Variants in MON1A observed in about 807,000 individuals in gnomAD.
MON1A encodes the protein vacuolar fusion protein MON1 homolog A.
MON1A carries 29 observed loss-of-function variants against 44.6 expected under a neutral mutation model. The observed-to-expected ratio is 0.65, with a 90% CI of 0.48 to 0.89. The LOEUF (loss-of-function observed/expected upper bound fraction) is 0.89, where lower values mean the gene tolerates loss of function less well. MON1A is among the 40% of genes least tolerant of loss of function. The pLI, the probability that MON1A is intolerant of heterozygous loss-of-function variation, is 0.00. For synonymous variants in MON1A, 275 were observed against 316.4 expected, an observed-to-expected ratio of 0.87 and a Z score of 1.39; for missense variants, 615 against 759.6, an observed-to-expected ratio of 0.81 and a Z score of 2.24.
chr3:49,910,608 G>T lies in MON1A; in HGVS notation c.890C>A (p.Pro297His). 1 of 1,603,692 alleles carries T rather than the reference G, an allele frequency of 6.2e-7. No homozygotes were observed. Among genetic ancestry groups the T allele is most frequent in the Non-Finnish European group, 8.5e-7 (1 of 1,174,518 alleles). The change falls in exon 4 of 6, where the codon CCC becomes CAC. Residue 297 changes from proline to histidine, a missense_variant. Pro to His is a moderately conservative substitution (Grantham distance 77). Coordinates refer to ENST00000296473, the MANE Select transcript of MON1A (RefSeq NM_032355.4). The surrounding 1 kb of genome is among the most constrained non-coding windows in gnomAD (Gnocchi z 8.0). ...SFLMGAARCL[P>H]LAAAVRDTVS... Reference sequence around the variant, plus strand: ...AGTGTCGCGCACGGCCGCCGCCAGGGGCAGGCACCGTGCCGCCCCCATCAG... The same window carrying T: ...AGTGTCGCGCACGGCCGCCGCCAGGTGCAGGCACCGTGCCGCCCCCATCAG...
intron 1 of MON1A, among the ~76,000 whole-genome samples, chr3:49,926,221 T>TC (rs1172982898): frequency 6.6e-6 from 1 of 152,178 alleles, no homozygotes; most frequent in African/African-American, 2.4e-5. Context: ...TGGGCACTCT[T>TC]TAACTTTAGA....
intron 2 of MON1A, chr3:49,912,943 GAGA>G (rs890861015): frequency 1.8e-6 from 1 of 552,358 alleles, no homozygotes; most frequent in Non-Finnish European, 3.3e-6. Context: ...GTGAGGAGGG[GAGA>G]AGGAGCCGGG....
At chr3:49,922,042 C>T (rs555253401) in intron 1 of MON1A, among the ~76,000 whole-genome samples, 1 of 151,364 alleles carries the variant, frequency 6.6e-6, no homozygotes, top group East Asian at 2.0e-4. Flanking sequence ...GAGGCTGAGG[C>T]AGGAGAATCA....
intron 1 of MON1A, among the ~76,000 whole-genome samples, chr3:49,914,925 C>T (rs2082930755): frequency 6.6e-6 from 1 of 152,170 alleles, no homozygotes; most frequent in Non-Finnish European, 1.5e-5. Context: ...AAGCAATCCT[C>T]CCACTTCAGC....
rs1362359391 is a variant in MON1A at position 49,911,186 on chromosome 3, TAGATTAGA to T, written c.614-310_614-303del. On this transcript the variant is annotated intron_variant, in intron 3 of 5. Transcript: ENST00000296473. This position sits in a 1 kb window ranked among gnomAD's most constrained non-coding sequence, Gnocchi z 5.7. ...TGGAGCTCAGGACCTGGGAGATAGA[TAGATTAGA>T]TAGATAGATAGATAGATAGATAGAT... Among the ~76,000 whole-genome samples, 2 of 141,808 alleles carry T rather than the reference TAGATTAGA, an allele frequency of 1.4e-5. No homozygotes were observed. The highest frequency in any genetic ancestry group is 5.6e-5 in the African/African-American group (2 of 35,840). 93.0% of individuals were successfully genotyped at this position (141,808 alleles called of 152,430 possible). A position where few individuals can be genotyped will look rare whatever the true frequency, so the allele number is the denominator to read the frequency against.
At chr3:49,922,505 G>GGGAAGGAGGGAGGGAGAGAA (rs1397486577) in intron 1 of MON1A, among the ~76,000 whole-genome samples, 51 of 140,250 alleles carry the variant, frequency 3.6e-4, no homozygotes, top group Non-Finnish European at 5.8e-4. Context: ...GAAGGAAGGA[G>GGGAAGGAGGGAGGGAGAGAA]GGAAGGAGGG....
intron 1 of MON1A, among the ~76,000 whole-genome samples, chr3:49,921,664 G>A (rs2082997825): frequency 6.8e-6 from 1 of 147,902 alleles, no homozygotes; most frequent in Non-Finnish European, 1.5e-5. Context: ...TTTAAGAGAT[G>A]GGGTCTTGCT....
intron 1 of MON1A, among the ~76,000 whole-genome samples, chr3:49,925,543 G>A (rs554055482): frequency 6.6e-6 from 1 of 152,240 alleles, no homozygotes; most frequent in South Asian, 2.1e-4. Flanking sequence ...ATTACTGAGT[G>A]CCAGCCTGGC....
At chr3:49,928,979 G>A (rs2083072512) in intron 1 of MON1A, among the ~76,000 whole-genome samples, 1 of 152,212 alleles carries the variant, frequency 6.6e-6, no homozygotes, top group African/African-American at 2.4e-5. Flanking sequence ...GGGAAGCTGA[G>A]GCAGGCAGAT....
In MON1A at chr3:49,910,553, C is replaced by A. The variant is rs1354283931; in HGVS notation, c.945G>T (p.Ala315=). The stretch of plus-strand genomic sequence containing the variant: ...GCAGGATGGAGAAGACCAGGCTGCG[C>A]GCACGCGCCTGCTGCAGGCTGGCGC... The part of the protein sequence containing the change: ...TVSASLQQAR[A]RSLVFSILLA... Residue 315 remains alanine (A), a synonymous_variant, in exon 4 of 6, where the codon GCG becomes GCT. Coordinates refer to ENST00000296473, the MANE Select transcript of MON1A (RefSeq NM_032355.4). This position sits in a 1 kb window ranked among gnomAD's most constrained non-coding sequence, Gnocchi z 8.0. 6.2e-7 allele frequency: 1 copy of A among 1,612,348 alleles called. No homozygotes were observed. Among genetic ancestry groups the A allele is most frequent in the Non-Finnish European group, 8.5e-7 (1 of 1,179,182 alleles).
intron 1 of MON1A, among the ~76,000 whole-genome samples, chr3:49,922,697 A>G (rs1165147040): frequency 6.6e-6 from 1 of 151,286 alleles, no homozygotes. Context: ...AGAAAAAAAG[A>G]CAATTTCTTT....
chr3:49,919,608 C>T (rs1314235156), intron 1 of MON1A, among the ~76,000 whole-genome samples: 1 of 152,088 alleles, frequency 6.6e-6, no homozygotes, highest in Non-Finnish European at 1.5e-5. Flanking sequence ...GCCTCCCGAG[C>T]AGCTGGGATT....
At chr3:49,916,051 C>T (rs1254085028) in intron 1 of MON1A, 1 of 152,282 alleles carries the variant, frequency 6.6e-6, no homozygotes, top group African/African-American at 2.4e-5. Flanking sequence ...GGAGCAAACA[C>T]TGCAGGCAGG....
In MON1A at chr3:49,908,901, A is replaced by C; in HGVS notation, c.*113T>G. ...CCCAAAGCACTTTAATGCATTCACC[A>C]ACCCACAGTCCCTGCCCGCTGGCTG... On this transcript the variant is annotated 3_prime_UTR_variant, in exon 6 of 6. Coordinates refer to ENST00000296473, the MANE Select transcript of MON1A (RefSeq NM_032355.4). 2 of 1,310,392 alleles carry C rather than the reference A, an allele frequency of 1.5e-6. No individual in the cohort carries two copies. Among genetic ancestry groups the C allele is most frequent in the Non-Finnish European group, 2.1e-6 (2 of 962,266 alleles). The allele number at this position is 1,310,392 out of a possible 1,614,324, so 81.2% of individuals were successfully genotyped here. A position where few individuals can be genotyped will look rare whatever the true frequency, so the allele number is the denominator to read the frequency against.
chr3:49,910,918 T>A lies in MON1A; in HGVS notation c.614-34A>T, dbSNP rs769989028. 1 of 1,553,886 alleles carries A rather than the reference T, an allele frequency of 6.4e-7. No individual in the cohort carries two copies. Among genetic ancestry groups the A allele is most frequent in the Non-Finnish European group, 8.7e-7 (1 of 1,148,932 alleles). On this transcript the variant is annotated intron_variant, in intron 3 of 5. Transcript: ENST00000296473. The surrounding 1 kb of genome is among the most constrained non-coding windows in gnomAD (Gnocchi z 8.0). Reference sequence around the variant, plus strand: ...GGGACAGGAAAGAAGGATGTCAGCCTCAGCGGCAGCTCCCTCCGAAAACCG... The same window carrying A: ...GGGACAGGAAAGAAGGATGTCAGCCACAGCGGCAGCTCCCTCCGAAAACCG...
At position 49,910,466 on chromosome 3, in the gene MON1A, G is replaced by A; in HGVS notation, c.1032C>T (p.Asp344=). The change falls in exon 4 of 6, where the codon GAC becomes GAT. Residue 344 remains aspartate, a synonymous_variant. Coordinates refer to ENST00000296473, the MANE Select transcript of MON1A (RefSeq NM_032355.4). The surrounding 1 kb of genome is among the most constrained non-coding windows in gnomAD (Gnocchi z 8.0). ...RRKDQFLHPI[D]LHLLFNLISS... is the part of the protein sequence containing the mutation. ...TAATGAGGTTGAAGAGCAGGTGCAGGTCGATGGGGTGCAGAAATTGGTCCT... is the reference window on the plus strand; with the variant it reads ...TAATGAGGTTGAAGAGCAGGTGCAGATCGATGGGGTGCAGAAATTGGTCCT... The A allele has an allele frequency of 1.2e-6, 2 of 1,614,188 alleles. No homozygotes were observed. Among genetic ancestry groups the A allele is most frequent in the East Asian group, 2.2e-5 (1 of 44,868 alleles).
At chr3:49,913,435 G>A in intron 1 of MON1A, 76 bp from the exon 2 acceptor site, 3 of 1,459,728 alleles carry the variant, frequency 2.1e-6, no homozygotes, top group Non-Finnish European at 2.8e-6. Context: ...AGTAAGTACA[G>A]GAAAGTGTCC....
At position 49,911,213 on chromosome 3, in the gene MON1A, G is replaced by GATAGATAGATAGATGATAGATAC. The variant is rs1658866830; in HGVS notation, c.613+312_613+313insGTATCTATCATCTATCTATCTAT. ...GATTAGATAGATAGATAGATAGATAGATAGATAGATAGATAGATAGATAGA... is the reference window on the plus strand; with the variant it reads ...GATTAGATAGATAGATAGATAGATAGATAGATAGATAGATGATAGATACATAGATAGATAGATAGATAGATAGA... On this transcript the variant is annotated intron_variant, in intron 3 of 5. Coordinates refer to ENST00000296473, the MANE Select transcript of MON1A (RefSeq NM_032355.4). The surrounding 1 kb of genome is among the most constrained non-coding windows in gnomAD (Gnocchi z 5.7). Among the ~76,000 whole-genome samples the GATAGATAGATAGATGATAGATAC allele has an allele frequency of 5.0e-5, 7 of 140,084 alleles. No individual in the cohort carries two copies. The highest frequency in any genetic ancestry group is 1.7e-4 in the African/African-American group (6 of 35,624). The allele number at this position is 140,084 out of a possible 152,430, so 91.9% of individuals were successfully genotyped here. A position where few individuals can be genotyped will look rare whatever the true frequency, so the allele number is the denominator to read the frequency against.
Position 49,927,900 on chromosome 3 carries a change from CA to C in MON1A, c.-14+1708del, listed in dbSNP as rs34870319. ...TGGGCAAAAGATTGAAACTCTGTCT[CA>C]AAAAAAAAAACAACAAAAAAAAACA... On this transcript the variant is annotated intron_variant, in intron 1 of 5. Transcript: ENST00000296473. Among the ~76,000 whole-genome samples, 36 of 133,472 alleles carry C rather than the reference CA, an allele frequency of 2.7e-4. 1 individual carries two copies. The highest frequency in any genetic ancestry group is 2.4e-3 in the East Asian group (11 of 4,566). The allele number at this position is 133,472 out of a possible 152,430, so 87.6% of individuals were successfully genotyped here. A position where few individuals can be genotyped will look rare whatever the true frequency, so the allele number is the denominator to read the frequency against.
Sources: allele counts gnomAD v4.1 joint callset (sites outside exome capture counted in the v4.1 genomes callset), GRCh38; gene constraint gnomAD v4.1.1; non-coding constraint Gnocchi (gnomAD v3.1); transcripts MANE v1.5; gene names NCBI Gene and HGNC (gene_info 2026-07-23, HGNC 2026-07-21).